HOMER2: variants seen among roughly 807,000 people sequenced by gnomAD.
HOMER2 encodes homer protein homolog 2.
A neutral mutation model predicts 47.0 loss-of-function variants in HOMER2; 27 were observed. The observed-to-expected ratio is 0.57, with a 90% CI of 0.42 to 0.79. The LOEUF is 0.79. HOMER2 is among the 30% of genes least tolerant of loss of function. The pLI, the probability that HOMER2 is intolerant of heterozygous loss-of-function variation, is 0.00. For synonymous variants in HOMER2, 161 were observed against 163.8 expected (o/e 0.98, Z 0.13); for missense variants, 443 against 435.0 (o/e 1.02, Z -0.16).
At chr15:82,961,886 C>T (rs1691122036) in intron 1 of HOMER2, among the ~76,000 whole-genome samples, 1 of 152,070 alleles carries the variant, frequency 6.6e-6, no homozygotes, top group Admixed American at 6.5e-5. Context: ...GCCTCAGCCT[C>T]CCAAGTAGCT....
At chr15:82,839,536 G>A (rs775694759) in exon 2 of HOMER2, 3 of 152,164 alleles carry the variant, frequency 2.0e-5, no homozygotes, top group Non-Finnish European at 4.4e-5. Flanking sequence ...ACTGAACTAT[G>A]TATTTCTACA....
chr15:82,929,975 C>A (rs1394553203), intron 1 of HOMER2, among the ~76,000 whole-genome samples: 1 of 151,958 alleles, frequency 6.6e-6, no homozygotes, highest in African/African-American at 2.4e-5. Flanking sequence ...GTGATCCGTC[C>A]GCCTCGGCCT....
chr15:82,853,618 A>C (rs532925184), intron 6 of HOMER2, among the ~76,000 whole-genome samples: 1 of 152,316 alleles, frequency 6.6e-6, no homozygotes, highest in South Asian at 2.1e-4. Flanking sequence ...AGCATACTCC[A>C]AAGCCTATGT....
At chr15:82,984,771 A>G (rs1567082759) in intron 1 of HOMER2, among the ~76,000 whole-genome samples, 1 of 152,150 alleles carries the variant, frequency 6.6e-6, no homozygotes, top group Non-Finnish European at 1.5e-5. Flanking sequence ...TGCCATGACC[A>G]CGTCACTGCA....
intron 2 of HOMER2, among the ~76,000 whole-genome samples, chr15:82,876,864 A>G (rs1163209105): frequency 6.6e-6 from 1 of 152,246 alleles, no homozygotes; most frequent in Non-Finnish European, 1.5e-5. Flanking sequence ...CCGTTGCCTT[A>G]ACTAAAGGGA....
intron 1 of HOMER2, among the ~76,000 whole-genome samples, chr15:82,949,475 A>C (rs1013752490): frequency 1.3e-5 from 2 of 152,074 alleles, no homozygotes; most frequent in Non-Finnish European, 2.9e-5. Flanking sequence ...AGAGAGGTGA[A>C]GTGAGGTGAG....
At chr15:82,901,666 C>T (rs1263734529) in intron 1 of HOMER2, among the ~76,000 whole-genome samples, 1 of 152,182 alleles carries the variant, frequency 6.6e-6, no homozygotes, top group African/African-American at 2.4e-5. Flanking sequence ...TCAGGGAGGG[C>T]CAAAACCAGA....
intron 1 of HOMER2, among the ~76,000 whole-genome samples, chr15:82,940,838 G>A (rs2054250199): frequency 6.6e-6 from 1 of 151,984 alleles, no homozygotes; most frequent in South Asian, 2.1e-4. Flanking sequence ...GCTGCAGTGA[G>A]CTATGATTGC....
At chr15:82,861,501 G>C (rs896411273) in intron 4 of HOMER2, among the ~76,000 whole-genome samples, 8 of 152,108 alleles carry the variant, frequency 5.3e-5, no homozygotes, top group Admixed American at 4.6e-4. Flanking sequence ...TGGTGAGAAG[G>C]TAGATGATTT....
chr15:82,930,481 C>T (rs1375189884), intron 1 of HOMER2, among the ~76,000 whole-genome samples: 2 of 152,176 alleles, frequency 1.3e-5, no homozygotes, highest in African/African-American at 2.4e-5. Context: ...GCCATCACTG[C>T]CCCTGAAGGG....
intron 1 of HOMER2, among the ~76,000 whole-genome samples, chr15:82,893,256 T>C (rs1438773741): frequency 6.6e-6 from 1 of 152,182 alleles, no homozygotes; most frequent in Non-Finnish European, 1.5e-5. Flanking sequence ...TTCCAATCTA[T>C]TTGCAGCTTA....
intron 2 of HOMER2, among the ~76,000 whole-genome samples, chr15:82,878,150 G>C (rs1441118975): frequency 6.6e-6 from 1 of 152,168 alleles, no homozygotes; most frequent in African/African-American, 2.4e-5. Flanking sequence ...TATGCCCCTA[G>C]GTCAGTCACC....
At chr15:82,855,206 G>A (rs930443776) in intron 5 of HOMER2, among the ~76,000 whole-genome samples, 3 of 150,718 alleles carry the variant, frequency 2.0e-5, no homozygotes, top group Non-Finnish European at 4.4e-5. Context: ...GGCGCCTGCA[G>A]TCTCAGCTAC....
At chr15:82,889,242 G>T (rs975935902) in intron 2 of HOMER2, among the ~76,000 whole-genome samples, 1 of 152,210 alleles carries the variant, frequency 6.6e-6, no homozygotes, top group African/African-American at 2.4e-5. Context: ...GGCTGACCCA[G>T]TGTGGTAGAA....
intron 1 of HOMER2, among the ~76,000 whole-genome samples, chr15:82,939,578 G>A (rs2054217443): frequency 6.6e-6 from 1 of 152,200 alleles, no homozygotes; most frequent in African/African-American, 2.4e-5. Context: ...GCTGAGGCAG[G>A]AAGATCGCTT....
chr15:82,914,245 G>A (rs2053524887), intron 1 of HOMER2, among the ~76,000 whole-genome samples: 1 of 150,520 alleles, frequency 6.6e-6, no homozygotes, highest in Non-Finnish European at 1.5e-5. Context: ...AGGCATGGTG[G>A]TGGGCACCTG....
chr15:82,911,917 C>T (rs1036132877), intron 1 of HOMER2, among the ~76,000 whole-genome samples: 6 of 152,080 alleles, frequency 3.9e-5, no homozygotes, highest in Non-Finnish European at 8.8e-5. Flanking sequence ...GTAATCCCAG[C>T]CACTTGGGAG....
chr15:82,863,512 C>T (rs1434167121), intron 4 of HOMER2, among the ~76,000 whole-genome samples: 2 of 152,188 alleles, frequency 1.3e-5, no homozygotes, highest in Non-Finnish European at 2.9e-5. Context: ...TAGTATATCA[C>T]ACTTACTCCT....
intron 1 of HOMER2, among the ~76,000 whole-genome samples, chr15:82,920,063 G>C (rs1397089334): frequency 1.3e-5 from 2 of 152,144 alleles, no homozygotes; most frequent in East Asian, 3.9e-4. Context: ...TATTCTTGGA[G>C]CCAGTAACTT....
Sources: allele counts gnomAD v4.1 joint callset (sites outside exome capture counted in the v4.1 genomes callset), GRCh38; gene constraint gnomAD v4.1.1; transcripts MANE v1.5; gene names NCBI Gene and HGNC (gene_info 2026-07-23, HGNC 2026-07-21).